Variants in ZSCAN4 observed in about 807,000 individuals in gnomAD.
The protein encoded by ZSCAN4 is zinc finger and SCAN domain-containing protein 4.
Under a neutral mutation model 18.3 loss-of-function variants are expected in ZSCAN4, and 18 were observed. The ratio of observed to expected loss-of-function variants is 0.98; its 90% confidence interval spans 0.68 to 1.46. The LOEUF (loss-of-function observed/expected upper bound fraction) is 1.46. ZSCAN4 is among the 40% of genes most tolerant of loss of function. ZSCAN4 has a pLI of 0.00. For synonymous variants in ZSCAN4, 193 were observed against 180.3 expected, an observed-to-expected ratio of 1.07 and a Z score of -0.57; for missense variants, 498 against 511.4, an observed-to-expected ratio of 0.97 and a Z score of 0.25.
chr19:57,678,962 A>G, exon 5 of ZSCAN4: 2 of 1,476,946 alleles, frequency 1.4e-6, no homozygotes, highest in South Asian at 1.4e-5. Context: ...TTCCTATAGT[A>G]TTTATCTACT....
chr19:57,663,657 A>G, the ZSCAN4 span, among the ~76,000 whole-genome samples: 1 of 149,244 alleles, frequency 6.7e-6, no homozygotes, highest in Non-Finnish European at 1.5e-5. Flanking sequence ...CAGTGAGCCC[A>G]GATCCCACCA....
At chr19:57,653,084 A>G in the ZSCAN4 span, among the ~76,000 whole-genome samples, 3 of 152,216 alleles carry the variant, frequency 2.0e-5, no homozygotes, top group Non-Finnish European at 2.9e-5. Context: ...TAAAGGCAAG[A>G]TCATAAGATA....
At chr19:57,677,833 G>A in intron 3 of ZSCAN4, 81 bp from the exon 4 acceptor site, 1 of 1,357,370 alleles carries the variant, frequency 7.4e-7, no homozygotes, top group Non-Finnish European at 9.8e-7. Flanking sequence ...GCTTGTGAGA[G>A]CCTGTTAAGG....
At chr19:57,676,044 G>A (rs968495177) in exon 3 of ZSCAN4, 1 of 1,151,000 alleles carries the variant, frequency 8.7e-7, no homozygotes, top group Non-Finnish European at 1.2e-6. Context: ...TTTCTAGCTT[G>A]CAGTTTTAAA....
the ZSCAN4 span, among the ~76,000 whole-genome samples, chr19:57,663,902 G>A: frequency 6.6e-6 from 1 of 152,128 alleles, no homozygotes; most frequent in African/African-American, 2.4e-5. Context: ...CAAGGCAGGC[G>A]GATCACCTGA....
intron 1 of ZSCAN4, among the ~76,000 whole-genome samples, chr19:57,669,674 C>G (rs564293292): frequency 2.5e-4 from 38 of 151,508 alleles, no homozygotes; most frequent in African/African-American, 9.2e-4. Context: ...ATCCGCCCAC[C>G]TCGGCCTCCA....
At chr19:57,662,708 G>A in the ZSCAN4 span, among the ~76,000 whole-genome samples, 1 of 150,996 alleles carries the variant, frequency 6.6e-6, no homozygotes, top group Non-Finnish European at 1.5e-5. Context: ...CTACAGGCTT[G>A]AGCCACCACG....
intron 2 of ZSCAN4, among the ~76,000 whole-genome samples, chr19:57,673,278 C>T (rs750406030): frequency 3.9e-5 from 6 of 152,032 alleles, no homozygotes; most frequent in Non-Finnish European, 5.9e-5. Flanking sequence ...ACGCCTGTCT[C>T]GGCCTCCCAA....
chr19:57,656,736 C>G, the ZSCAN4 span, among the ~76,000 whole-genome samples: 243 of 152,336 alleles, frequency 1.6e-3, 1 homozygote, highest in African/African-American at 5.5e-3. Flanking sequence ...ATACGTAAAA[C>G]ATCCCTACAA....
chr19:57,669,673 C>A (rs1469135683), intron 1 of ZSCAN4, among the ~76,000 whole-genome samples: 1 of 151,156 alleles, frequency 6.6e-6, no homozygotes. Flanking sequence ...GATCCGCCCA[C>A]CTCGGCCTCC....
At chr19:57,671,622 A>C (rs1984026011) in intron 2 of ZSCAN4, among the ~76,000 whole-genome samples, 1 of 152,182 alleles carries the variant, frequency 6.6e-6, no homozygotes, top group African/African-American at 2.4e-5. Context: ...ACAAGGACTC[A>C]GTGCTTTTCC....
rs540065740 is a variant in ZSCAN4 at position 57,678,935 on chromosome 19, G to A, written c.*30G>A. ...CTGGTCTGATAATGTGTATAAATAT[G>A]TATGCAAGTATGTATATTCCTATAG... On this transcript the variant is annotated 3_prime_UTR_variant, in exon 5 of 5. Transcript: ENST00000318203. 50 of 1,530,914 alleles carry A rather than the reference G, an allele frequency of 3.3e-5. No individual in the cohort carries two copies. The Middle Eastern group carries it at 7.1e-4, about 22-fold the overall frequency. The allele number at this position is 1,530,914 out of a possible 1,614,324, so 94.8% of individuals were successfully genotyped here.
chr19:57,670,600 C>A (rs1031354244), intron 2 of ZSCAN4, 33 bp downstream of exon 2: 3 of 152,158 alleles, frequency 2.0e-5, no homozygotes. Flanking sequence ...AAATTTTGTG[C>A]CTTTGAGTGT....
At chr19:57,663,519 C>CAAAAAAAAAAAAAAAAAA in the ZSCAN4 span, among the ~76,000 whole-genome samples, 28 of 18,298 alleles carry the variant, frequency 1.5e-3, 1 homozygote, top group African/African-American at 5.9e-3. Flanking sequence ...AACCATGTCT[C>CAAAAAAAAAAAAAAAAAA]TAAAAAAAAA....
chr19:57,679,047 G>C (rs1984283752), exon 5 of ZSCAN4: 1 of 1,030,258 alleles, frequency 9.7e-7, no homozygotes, highest in East Asian at 2.9e-5. Context: ...AGGCTAAGGA[G>C]AGCATGGAAT....
chr19:57,678,953 TC>T, exon 5 of ZSCAN4: 1 of 1,506,146 alleles, frequency 6.6e-7, no homozygotes, highest in South Asian at 1.4e-5. Context: ...GTATGTATAT[TC>T]CTATAGTATT....
exon 5 of ZSCAN4, chr19:57,678,764 G>A (rs1291988029): frequency 1.1e-5 from 17 of 1,614,082 alleles, no homozygotes; most frequent in Non-Finnish European, 1.4e-5. Flanking sequence ...GGTCTCATGA[G>A]AGAATCCACA....
chr19:57,663,641 A>G, the ZSCAN4 span, among the ~76,000 whole-genome samples: 1 of 149,134 alleles, frequency 6.7e-6, no homozygotes, highest in Non-Finnish European at 1.5e-5. Context: ...TGGGAGGCAA[A>G]GGTTGCAGTG....
chr19:57,660,471 C>T, the ZSCAN4 span, among the ~76,000 whole-genome samples: 5 of 152,330 alleles, frequency 3.3e-5, no homozygotes, highest in East Asian at 7.7e-4. Context: ...AATGTCTCCA[C>T]ATTCTGTCAT....
Sources: gnomAD v4.1 joint callset for allele counts (sites outside exome capture counted in the v4.1 genomes callset) on GRCh38, gnomAD v4.1.1 for gene constraint, MANE v1.5 for transcripts, NCBI Gene and HGNC (gene_info 2026-07-23, HGNC 2026-07-21) for gene names.